Variants in CPEB3 observed in about 807,000 individuals in gnomAD.
CPEB3 encodes the protein cytoplasmic polyadenylation element binding protein 3.
CPEB3 carries 20 observed loss-of-function variants against 67.2 expected under a neutral mutation model. The ratio of observed to expected loss-of-function variants is 0.30; its 90% CI spans 0.21 to 0.43. CPEB3 has a LOEUF of 0.43. Ranked by LOEUF, CPEB3 falls within the 20% of genes least tolerant of loss-of-function variation. CPEB3 has a pLI of 1.00. For missense variants in CPEB3, 746 were observed against 968.6 expected (o/e 0.77, Z 3.05); for synonymous variants, 376 against 393.1 (o/e 0.96, Z 0.51).
rs1852154374 is a variant in CPEB3, at chr10:92,047,781, A to G, written c.*4431T>C. On this transcript the variant is annotated 3_prime_UTR_variant, in exon 10 of 10. Coordinates refer to ENST00000265997, the MANE Select transcript of CPEB3 (RefSeq NM_014912.5). Reference sequence around the variant, plus strand: ...CATACCCAAGACCAACTCTGGACACAAGTTTCTCTGAGTTATTGATGAACC... The same window carrying G: ...CATACCCAAGACCAACTCTGGACACGAGTTTCTCTGAGTTATTGATGAACC... 1 of 152,240 alleles carries G rather than the reference A, an allele frequency of 6.6e-6. No homozygotes were observed. Among genetic ancestry groups the G allele is most frequent in the South Asian group, 2.1e-4 (1 of 4,836 alleles). The allele number at this position is 152,240 out of a possible 1,614,324, so 9.4% of individuals were successfully genotyped here.
intron 2 of CPEB3, among the ~76,000 whole-genome samples, chr10:92,230,943 G>C (rs1365786119): frequency 6.6e-6 from 1 of 152,188 alleles, no homozygotes; most frequent in Non-Finnish European, 1.5e-5. Flanking sequence ...GGCCTACAGG[G>C]AAATGGTGGT....
intron 7 of CPEB3, among the ~76,000 whole-genome samples, chr10:92,093,757 C>T (rs544621916): frequency 6.6e-6 from 1 of 152,270 alleles, no homozygotes; most frequent in East Asian, 1.9e-4. Flanking sequence ...CCACTTCAGC[C>T]TCCCAAAGTG....
chr10:92,281,957 C>T (rs140818566), intron 1 of CPEB3, among the ~76,000 whole-genome samples: 6 of 152,236 alleles, frequency 3.9e-5, no homozygotes, highest in African/African-American at 7.2e-5. Flanking sequence ...TCACATGTTC[C>T]GTGGAAAGGG....
intron 1 of CPEB3, among the ~76,000 whole-genome samples, chr10:92,277,088 C>T (rs529220784): frequency 1.3e-5 from 2 of 152,202 alleles, no homozygotes; most frequent in South Asian, 2.1e-4. Context: ...AACATTTGTT[C>T]CCATTCTATG....
chr10:92,127,189 T>C lies in CPEB3; in HGVS notation c.1453+15840A>G, dbSNP rs2133676655. 2.0e-5 allele frequency among the ~76,000 whole-genome samples: 3 copies of C among 152,342 alleles called. No homozygotes were observed. The South Asian group carries it at 6.2e-4, about 32-fold the overall frequency. ...TTGGCCAGGCACGGTGACTTACATC[T>C]GTAATCCCAGCATTTTGGGAGGCCA... On this transcript the variant is annotated intron_variant, in intron 6 of 9. Coordinates refer to ENST00000265997, the MANE Select transcript of CPEB3 (RefSeq NM_014912.5).
intron 9 of CPEB3, among the ~76,000 whole-genome samples, chr10:92,071,350 GATTTTTATAAACAA>G (rs566711283): frequency 4.5e-4 from 69 of 152,294 alleles, no homozygotes; most frequent in African/African-American, 1.6e-3. Context: ...AGTTGCCCCA[GATTTTTATAAACAA>G]ATTTTTCATA....
chr10:92,244,010 C>A (rs185368573), intron 1 of CPEB3, among the ~76,000 whole-genome samples: 7 of 152,240 alleles, frequency 4.6e-5, no homozygotes, highest in Admixed American at 3.9e-4. Flanking sequence ...AAATAAAATT[C>A]AACTCTTATA....
chr10:92,273,924 G>A (rs952714787), intron 1 of CPEB3, among the ~76,000 whole-genome samples: 12 of 152,128 alleles, frequency 7.9e-5, no homozygotes, highest in Admixed American at 7.2e-4. Context: ...ACTCTAACAT[G>A]CAGCAACTTC....
At chr10:92,219,388 TATTA>T (rs1850589991) in intron 2 of CPEB3, among the ~76,000 whole-genome samples, 1 of 152,226 alleles carries the variant, frequency 6.6e-6, no homozygotes, top group Admixed American at 6.5e-5. Flanking sequence ...ATACATTCTC[TATTA>T]TTTATGTCCC....
chr10:92,148,748 A>G (rs1846812495), intron 4 of CPEB3, among the ~76,000 whole-genome samples: 1 of 152,232 alleles, frequency 6.6e-6, no homozygotes. Flanking sequence ...GATGAAACAC[A>G]ATACACAGGT....
At chr10:92,161,816 A>T (rs1847497254) in intron 4 of CPEB3, among the ~76,000 whole-genome samples, 1 of 151,588 alleles carries the variant, frequency 6.6e-6, no homozygotes, top group Non-Finnish European at 1.5e-5. Context: ...GGCGTGCACC[A>T]CCACGCCGGC....
chr10:92,193,560 C>A (rs910319365), intron 2 of CPEB3, among the ~76,000 whole-genome samples: 1 of 151,850 alleles, frequency 6.6e-6, no homozygotes, highest in African/African-American at 2.4e-5. Context: ...TGAGCTCAAG[C>A]AATCCTCCCA....
intron 1 of CPEB3, among the ~76,000 whole-genome samples, chr10:92,281,598 A>T (rs975693638): frequency 1.3e-5 from 2 of 152,200 alleles, no homozygotes; most frequent in African/African-American, 4.8e-5. Flanking sequence ...CAACCAGTTC[A>T]GTTTGCATCT....
chr10:92,239,402 A>G lies in CPEB3; in HGVS notation c.949T>C (p.Trp317Arg). Reference protein sequence around the residue: ...PRAAPLTSKSWMEDNAFRTDN... With the variant: ...PRAAPLTSKSRMEDNAFRTDN... ...GTCCGGAAAGCGTTATCCTCCATCC[A>G]GGACTTGGAAGTGAGAGGGGCCGCG... Residue 317 changes from tryptophan (W) to arginine (R), a missense_variant, in exon 2 of 10, where the codon TGG becomes CGG. By Grantham distance (101) the Trp-to-Arg change is moderately radical. Coordinates refer to ENST00000265997, the MANE Select transcript of CPEB3 (RefSeq NM_014912.5). This position sits in a 1 kb window ranked among gnomAD's most constrained non-coding sequence, Gnocchi z 6.0. 1 of 1,605,338 alleles carries G rather than the reference A, an allele frequency of 6.2e-7. No homozygotes were observed. Among genetic ancestry groups the G allele is most frequent in the Non-Finnish European group, 8.5e-7 (1 of 1,175,810 alleles).
chr10:92,289,570 G>T (rs1354273423), intron 1 of CPEB3, among the ~76,000 whole-genome samples: 2 of 150,620 alleles, frequency 1.3e-5, no homozygotes, highest in African/African-American at 2.4e-5. Context: ...TTAAATAAAT[G>T]AATTAATTAA....
intron 9 of CPEB3, among the ~76,000 whole-genome samples, chr10:92,064,690 A>G (rs955351166): frequency 6.6e-6 from 1 of 152,126 alleles, no homozygotes; most frequent in Non-Finnish European, 1.5e-5. Context: ...TCACTTGGAG[A>G]TCCTACACTA....
intron 4 of CPEB3, among the ~76,000 whole-genome samples, chr10:92,162,257 G>A (rs1847523512): frequency 6.6e-6 from 1 of 151,914 alleles, no homozygotes; most frequent in South Asian, 2.1e-4. Flanking sequence ...CTTGGCTAGC[G>A]ATAGTAACCA....
chr10:92,199,645 C>T (rs1228496484), intron 2 of CPEB3, among the ~76,000 whole-genome samples: 1 of 142,226 alleles, frequency 7.0e-6, no homozygotes. Context: ...GATCACGCCA[C>T]CGTACTCCAG....
intron 1 of CPEB3, among the ~76,000 whole-genome samples, chr10:92,251,243 C>T (rs1852289847): frequency 6.6e-6 from 1 of 152,160 alleles, no homozygotes; most frequent in African/African-American, 2.4e-5. Flanking sequence ...AAAAAATCAC[C>T]TAACGATGCA....
Sources: allele counts gnomAD v4.1 joint callset (sites outside exome capture counted in the v4.1 genomes callset), GRCh38; gene constraint gnomAD v4.1.1; non-coding constraint Gnocchi (gnomAD v3.1); transcripts MANE v1.5; gene names NCBI Gene and HGNC (gene_info 2026-07-23, HGNC 2026-07-21).